Variants in MYO16 observed in about 807,000 individuals in gnomAD.
MYO16 encodes unconventional myosin-XVI.
MYO16 carries 94 observed loss-of-function variants against 205.3 expected under a neutral mutation model. The observed-to-expected ratio is 0.46, with a 90% CI of 0.39 to 0.54. The LOEUF is 0.54. MYO16 is among the 20% of genes least tolerant of loss of function. The pLI is 0.00. For missense variants in MYO16, 2,315 were observed against 2,387.5 expected (o/e 0.97, Z 0.63); for synonymous variants, 988 against 954.0 (o/e 1.04, Z -0.66).
chr13:108,683,326 G>A (rs78377461), intron 2 of MYO16, among the ~76,000 whole-genome samples: 14,905 of 150,366 alleles, frequency 0.099, 902 homozygotes, highest in East Asian at 0.25. Context: ...AGGCTCACAG[G>A]AGAAGCTTCC....
At chr13:108,865,937 A>C (rs1878690175) in intron 11 of MYO16, among the ~76,000 whole-genome samples, 1 of 152,028 alleles carries the variant, frequency 6.6e-6, no homozygotes, top group Non-Finnish European at 1.5e-5. Flanking sequence ...TAACTATTTC[A>C]TTTCTCTTAT....
chr13:109,169,922 T>C (rs1878857911), intron 33 of MYO16, among the ~76,000 whole-genome samples: 1 of 152,250 alleles, frequency 6.6e-6, no homozygotes, highest in Admixed American at 6.5e-5. Context: ...GGAAGAATAA[T>C]TGATTGCTAT....
intron 1 of MYO16, among the ~76,000 whole-genome samples, chr13:108,652,595 A>T (rs1477110722): frequency 6.6e-6 from 1 of 152,136 alleles, no homozygotes; most frequent in Non-Finnish European, 1.5e-5. Flanking sequence ...CCATCATTCT[A>T]CTTTCTGCTT....
At chr13:108,643,795 G>A (rs976805979) in intron 1 of MYO16, among the ~76,000 whole-genome samples, 8 of 152,122 alleles carry the variant, frequency 5.3e-5, no homozygotes, top group African/African-American at 1.4e-4. Context: ...GCATGGGCGC[G>A]TGGTTTTATT....
intron 23 of MYO16, among the ~76,000 whole-genome samples, chr13:109,024,066 A>T (rs1366156265): frequency 6.8e-6 from 1 of 146,430 alleles, no homozygotes; most frequent in African/African-American, 2.5e-5. Flanking sequence ...TCATATATTT[A>T]TTTAAATATA....
At chr13:109,018,599 G>A (rs1176059529) in intron 22 of MYO16, among the ~76,000 whole-genome samples, 1 of 152,160 alleles carries the variant, frequency 6.6e-6, no homozygotes, top group Non-Finnish European at 1.5e-5. Flanking sequence ...AGTGAGCAAG[G>A]CTCTGTAGGC....
chr13:109,191,058 A>G (rs1435606280), intron 34 of MYO16, among the ~76,000 whole-genome samples: 14 of 152,018 alleles, frequency 9.2e-5, no homozygotes, highest in Non-Finnish European at 1.9e-4. Flanking sequence ...GCCTCTACTA[A>G]AAATACAAAA....
intron 3 of MYO16, among the ~76,000 whole-genome samples, chr13:108,723,342 A>AG (rs1275572932): frequency 6.6e-6 from 1 of 152,108 alleles, no homozygotes; most frequent in Admixed American, 6.5e-5. Context: ...TCTGAAGGGT[A>AG]GAGGATTTTT....
At chr13:109,157,205 A>C (rs950071422) in intron 32 of MYO16, among the ~76,000 whole-genome samples, 1 of 138,620 alleles carries the variant, frequency 7.2e-6, no homozygotes. Flanking sequence ...CTCAAGGTCC[A>C]TTCAGCTGTA....
At chr13:108,808,556 A>G (rs1594310536) in intron 7 of MYO16, among the ~76,000 whole-genome samples, 1 of 151,654 alleles carries the variant, frequency 6.6e-6, no homozygotes, top group Non-Finnish European at 1.5e-5. Flanking sequence ...CAGGTGATCC[A>G]CCTGCCTCAC....
At chr13:108,868,574 C>G (rs1228151307) in intron 12 of MYO16, among the ~76,000 whole-genome samples, 1 of 151,890 alleles carries the variant, frequency 6.6e-6, no homozygotes, top group Non-Finnish European at 1.5e-5. Context: ...AAGTAGGGGT[C>G]AAGATTCATT....
At chr13:109,037,683 GAGAAAGAATGGGAGAGAT>G (rs1379709865) in intron 23 of MYO16, among the ~76,000 whole-genome samples, 1 of 152,038 alleles carries the variant, frequency 6.6e-6, no homozygotes, top group Admixed American at 6.6e-5. Flanking sequence ...GAGAGAGAGA[GAGAAAGAATGGGAGAGAT>G]AGGAAGAAAG....
At chr13:108,756,715 A>G (rs1885433393) in intron 4 of MYO16, among the ~76,000 whole-genome samples, 1 of 152,158 alleles carries the variant, frequency 6.6e-6, no homozygotes, top group African/African-American at 2.4e-5. Context: ...ACAAAGGAAA[A>G]TGAAAGGATG....
intron 23 of MYO16, among the ~76,000 whole-genome samples, chr13:109,034,274 T>A (rs1188211854): frequency 6.6e-6 from 1 of 152,168 alleles, no homozygotes; most frequent in African/African-American, 2.4e-5. Context: ...AGGCTTTATG[T>A]CCCCACCCAA....
chr13:108,823,393 C>G (rs1158589002), intron 9 of MYO16, 115 bp downstream of exon 9: 4 of 905,750 alleles, frequency 4.4e-6, no homozygotes. Context: ...AATGGTTTAT[C>G]AATGTATATA....
intron 27 of MYO16, among the ~76,000 whole-genome samples, chr13:109,096,565 T>C (rs1888783184): frequency 6.6e-6 from 1 of 151,878 alleles, no homozygotes; most frequent in Admixed American, 6.6e-5. Context: ...TCCAGGCCTG[T>C]GTCTGTGAGG....
intron 27 of MYO16, among the ~76,000 whole-genome samples, chr13:109,070,371 A>G (rs970955171): frequency 6.6e-5 from 10 of 152,204 alleles, no homozygotes; most frequent in African/African-American, 2.4e-4. Context: ...TATTTGTTGA[A>G]TGGACTAACA....
chr13:108,874,874 A>C (rs1021050313), intron 12 of MYO16, among the ~76,000 whole-genome samples: 14 of 152,148 alleles, frequency 9.2e-5, no homozygotes, highest in African/African-American at 2.9e-4. Flanking sequence ...CCAGCAGCCC[A>C]GGGCACTTGG....
chr13:108,965,698 G>A (rs769473683), intron 20 of MYO16, among the ~76,000 whole-genome samples: 8 of 152,130 alleles, frequency 5.3e-5, no homozygotes, highest in Non-Finnish European at 8.8e-5. Flanking sequence ...GAGCCACTGC[G>A]CCCGGCCCCT....
Sources: gnomAD v4.1 joint callset for allele counts (sites outside exome capture counted in the v4.1 genomes callset) on GRCh38, gnomAD v4.1.1 for gene constraint, MANE v1.5 for transcripts, NCBI Gene and HGNC (gene_info 2026-07-23, HGNC 2026-07-21) for gene names.